Variants in CDK14 observed in about 807,000 individuals in gnomAD.
CDK14 encodes the protein cyclin dependent kinase 14.
In CDK14, 34 loss-of-function variants were observed where a neutral mutation model predicts 60.7. The observed-to-expected ratio is 0.56, with a 90% CI of 0.43 to 0.75. The LOEUF (loss-of-function observed/expected upper bound fraction) is 0.75, where lower values mean the gene tolerates loss of function less well. Ranked by LOEUF, CDK14 falls within the 30% of genes least tolerant of loss-of-function variation. CDK14 has a pLI of 0.00. For missense variants in CDK14, 482 were observed against 564.1 expected, an observed-to-expected ratio of 0.85 and a Z score of 1.47; for synonymous variants, 197 against 203.7, an observed-to-expected ratio of 0.97 and a Z score of 0.28.
intron 14 of CDK14, among the ~76,000 whole-genome samples, chr7:91,205,753 G>C (rs1415013370): frequency 2.0e-5 from 3 of 152,104 alleles, no homozygotes; most frequent in African/African-American, 7.2e-5. Context: ...CATAGTAAGT[G>C]GGGGAAATGA....
At chr7:91,082,020 T>G (rs1287476567) in intron 12 of CDK14, among the ~76,000 whole-genome samples, 3 of 152,162 alleles carry the variant, frequency 2.0e-5, no homozygotes, top group African/African-American at 7.2e-5. Flanking sequence ...TATAAAAACA[T>G]GTACTGTTTT....
chr7:90,908,864 A>G (rs1792800033), intron 7 of CDK14, among the ~76,000 whole-genome samples: 1 of 152,166 alleles, frequency 6.6e-6, no homozygotes, highest in Non-Finnish European at 1.5e-5. Context: ...TTTCTTTGGT[A>G]TAACTTGTTT....
At chr7:90,877,327 AG>A (rs1245491366) in intron 6 of CDK14, among the ~76,000 whole-genome samples, 3 of 152,180 alleles carry the variant, frequency 2.0e-5, no homozygotes, top group African/African-American at 7.2e-5. Context: ...ACTTCTAGTG[AG>A]TAATTTACTC....
intron 9 of CDK14, among the ~76,000 whole-genome samples, chr7:90,966,881 A>G (rs1255078685): frequency 6.6e-6 from 1 of 151,994 alleles, no homozygotes; most frequent in Non-Finnish European, 1.5e-5. Context: ...CTAGATTGTC[A>G]TGTCTTCATC....
chr7:91,001,997 T>G (rs1795849666), intron 10 of CDK14, among the ~76,000 whole-genome samples: 1 of 152,236 alleles, frequency 6.6e-6, no homozygotes, highest in African/African-American at 2.4e-5. Context: ...AATTCTGGAA[T>G]GAAAGATTAC....
chr7:90,852,050 C>T (rs1790662740), intron 5 of CDK14, among the ~76,000 whole-genome samples: 1 of 152,094 alleles, frequency 6.6e-6, no homozygotes, highest in South Asian at 2.1e-4. Flanking sequence ...AGGCATGTGC[C>T]ATCATGCCCA....
intron 14 of CDK14, among the ~76,000 whole-genome samples, chr7:91,157,431 T>C (rs1169229577): frequency 6.6e-6 from 1 of 152,226 alleles, no homozygotes. Flanking sequence ...ATTTTCTTCA[T>C]TTACAAGTAT....
intron 2 of CDK14, among the ~76,000 whole-genome samples, chr7:90,612,344 TTA>T (rs1417631536): frequency 3.3e-5 from 5 of 152,144 alleles, no homozygotes; most frequent in African/African-American, 1.2e-4. Context: ...GACGTTTGTT[TTA>T]TGTCAGGCTG....
At chr7:90,758,775 C>A (rs1804189835) in intron 4 of CDK14, among the ~76,000 whole-genome samples, 1 of 152,014 alleles carries the variant, frequency 6.6e-6, no homozygotes, top group Non-Finnish European at 1.5e-5. Context: ...GAGAAAGGCC[C>A]AGGTACACAG....
intron 10 of CDK14, among the ~76,000 whole-genome samples, chr7:91,037,578 T>C (rs1250693953): frequency 6.6e-6 from 1 of 152,148 alleles, no homozygotes; most frequent in Non-Finnish European, 1.5e-5. Flanking sequence ...TAGAAGCAGA[T>C]AGTATAGCTC....
chr7:90,696,268 G>T (rs1181404012), intron 2 of CDK14, among the ~76,000 whole-genome samples: 1 of 151,966 alleles, frequency 6.6e-6, no homozygotes, highest in Non-Finnish European at 1.5e-5. Flanking sequence ...GGGGAATATC[G>T]GAAGGAGGAG....
intron 5 of CDK14, among the ~76,000 whole-genome samples, chr7:90,807,013 CCTGCCTCTGTAGA>C (rs1788872660): frequency 1.3e-5 from 2 of 152,212 alleles, no homozygotes; most frequent in South Asian, 4.1e-4. Flanking sequence ...AGGAGGCCTG[CCTGCCTCTGTAGA>C]CTCCACCTCT....
chr7:91,096,305 G>C (rs940868267), intron 12 of CDK14, among the ~76,000 whole-genome samples: 9 of 152,090 alleles, frequency 5.9e-5, no homozygotes, highest in African/African-American at 2.2e-4. Flanking sequence ...TCTGATCACT[G>C]GCTCTGGCAA....
intron 5 of CDK14, among the ~76,000 whole-genome samples, chr7:90,831,080 A>T (rs1789896707): frequency 6.6e-6 from 1 of 152,182 alleles, no homozygotes; most frequent in African/African-American, 2.4e-5. Context: ...TCCATTACCC[A>T]GTTCCAAAGT....
chr7:90,835,608 A>G (rs73222722), intron 5 of CDK14, among the ~76,000 whole-genome samples: 22,419 of 152,174 alleles, frequency 0.15, 1,815 homozygotes, highest in Middle Eastern at 0.25. Context: ...TTCTGCAATT[A>G]CTTCTATTAC....
At chr7:91,128,570 A>G (rs1424972500) in intron 14 of CDK14, among the ~76,000 whole-genome samples, 6 of 152,218 alleles carry the variant, frequency 3.9e-5, no homozygotes, top group Non-Finnish European at 7.3e-5. Context: ...AGATTAATAA[A>G]TAAACAAACC....
At chr7:90,704,819 T>C (rs1421593788) in intron 2 of CDK14, among the ~76,000 whole-genome samples, 1 of 152,126 alleles carries the variant, frequency 6.6e-6, no homozygotes, top group Admixed American at 6.6e-5. Flanking sequence ...CACGGTGTTT[T>C]GGGAAAGTAT....
intron 14 of CDK14, among the ~76,000 whole-genome samples, chr7:91,166,781 A>G (rs995658968): frequency 6.6e-6 from 1 of 152,192 alleles, no homozygotes. Context: ...ACACAACCCA[A>G]TGTGTGTCTG....
At chr7:90,658,505 C>T (rs528157568) in intron 2 of CDK14, among the ~76,000 whole-genome samples, 1 of 152,310 alleles carries the variant, frequency 6.6e-6, no homozygotes, top group East Asian at 1.9e-4. Context: ...GATTAGATTA[C>T]AACATACGGA....
Sources: allele counts gnomAD v4.1 joint callset (sites outside exome capture counted in the v4.1 genomes callset), GRCh38; gene constraint gnomAD v4.1.1; transcripts MANE v1.5; gene names NCBI Gene and HGNC (gene_info 2026-07-23, HGNC 2026-07-21).